Variants in MAST4 observed in about 807,000 individuals in gnomAD.
The protein encoded by MAST4 is microtubule associated serine/threonine kinase family member 4.
In MAST4, 89 loss-of-function variants were observed where a neutral mutation model predicts 162.7. The ratio of observed to expected loss-of-function variants is 0.55; its 90% CI spans 0.46 to 0.65. MAST4 has a LOEUF of 0.65. Among genes scored for constraint, MAST4 ranks in the 30% least tolerant of loss-of-function variants. MAST4 has a pLI of 0.00. For missense variants in MAST4, 3,153 were observed against 3,374.0 expected, an observed-to-expected ratio of 0.93 and a Z score of 1.62; for synonymous variants, 1,479 against 1,361.1, an observed-to-expected ratio of 1.09 and a Z score of -1.91.
intron 1 of MAST4, among the ~76,000 whole-genome samples, chr5:66,757,150 A>G (rs971768977): frequency 1.3e-5 from 2 of 152,152 alleles, no homozygotes; most frequent in Admixed American, 1.3e-4. Context: ...GTGATACAGC[A>G]GTCTTCCCCA....
chr5:66,817,967 A>G (rs2149726243), intron 3 of MAST4, among the ~76,000 whole-genome samples: 1 of 152,330 alleles, frequency 6.6e-6, no homozygotes, highest in East Asian at 1.9e-4. Context: ...GAAGGATCAA[A>G]CTTCTTAAAC....
chr5:66,609,392 C>CTTTTTTTTT (rs373893029), intron 1 of MAST4, among the ~76,000 whole-genome samples: 1 of 128,620 alleles, frequency 7.8e-6, no homozygotes, highest in African/African-American at 3.0e-5. Flanking sequence ...CAATGCACTA[C>CTTTTTTTTT]TTTTTTTTTT....
chr5:66,617,830 G>A (rs893445563), intron 1 of MAST4, among the ~76,000 whole-genome samples: 15 of 152,138 alleles, frequency 9.9e-5, no homozygotes, highest in African/African-American at 3.4e-4. Context: ...AAACATCAAC[G>A]CGTACTAATA....
intron 4 of MAST4, among the ~76,000 whole-genome samples, chr5:66,908,403 G>A (rs919519432): frequency 5.9e-5 from 9 of 152,152 alleles, no homozygotes; most frequent in African/African-American, 2.2e-4. Flanking sequence ...ACACCCTTGG[G>A]AATGCAAATC....
At chr5:67,121,168 C>G in intron 14 of MAST4, 66 bp downstream of exon 14, 1 of 1,281,924 alleles carries the variant, frequency 7.8e-7, no homozygotes, top group Non-Finnish European at 1.1e-6. Context: ...TTATTCTTAA[C>G]ATTTATCTAA....
At chr5:66,747,389 C>T (rs189076464) in intron 1 of MAST4, among the ~76,000 whole-genome samples, 2 of 152,166 alleles carry the variant, frequency 1.3e-5, no homozygotes, top group Non-Finnish European at 2.9e-5. Context: ...AATTATAAAA[C>T]CAAAGATGGA....
At chr5:66,672,434 C>T (rs1747668339) in intron 1 of MAST4, among the ~76,000 whole-genome samples, 1 of 152,198 alleles carries the variant, frequency 6.6e-6, no homozygotes, top group Non-Finnish European at 1.5e-5. Flanking sequence ...AGTTATTGCA[C>T]AACCAGTATT....
intron 4 of MAST4, chr5:66,963,586 T>C (rs2150168130): frequency 1.5e-6 from 1 of 682,912 alleles, no homozygotes; most frequent in Non-Finnish European, 2.7e-6. Context: ...GATTACCTAG[T>C]GGTGTAGATA....
chr5:67,163,707 C>G lies in MAST4; in HGVS notation c.4528C>G (p.Leu1510Val). ...CGCCCGGCCAGTGGAGCAAGGCTGC[C>G]TGAAACGCCCAGTCTCCCGGAAGGT... ...SRARPVEQGC[L>V]KRPVSRKVGR... Residue 1510 changes from leucine to valine, a missense_variant, in exon 29 of 29, where the codon CTG becomes GTG. Leu to Val is a conservative substitution (Grantham distance 32). Coordinates refer to ENST00000403625, the MANE Select transcript of MAST4 (RefSeq NM_001164664.2). The surrounding 1 kb of genome is among the most constrained non-coding windows in gnomAD (Gnocchi z 7.0). 6.2e-7 allele frequency: 1 copy of G among 1,609,090 alleles called. No individual in the cohort carries two copies. Among genetic ancestry groups the G allele is most frequent in the Non-Finnish European group, 8.5e-7 (1 of 1,178,200 alleles).
At chr5:66,649,058 G>T (rs918281811) in intron 1 of MAST4, among the ~76,000 whole-genome samples, 2 of 152,122 alleles carry the variant, frequency 1.3e-5, no homozygotes, top group Non-Finnish European at 2.9e-5. Context: ...GAATGTGGTG[G>T]TCTCCAAATG....
At chr5:67,106,728 C>G (rs1350586761) in intron 10 of MAST4, among the ~76,000 whole-genome samples, 1 of 152,138 alleles carries the variant, frequency 6.6e-6, no homozygotes. Context: ...GTTGCTGTGC[C>G]CTTCCTCTCA....
chr5:67,161,480 T>C (rs1773177377), intron 27 of MAST4, among the ~76,000 whole-genome samples: 1 of 152,220 alleles, frequency 6.6e-6, no homozygotes, highest in Admixed American at 6.5e-5. Flanking sequence ...GAAATATATT[T>C]GGTTGCAAGG....
At chr5:66,866,195 G>A (rs372204268) in intron 3 of MAST4, among the ~76,000 whole-genome samples, 4 of 119,142 alleles carry the variant, frequency 3.4e-5, no homozygotes, top group African/African-American at 5.3e-5. Flanking sequence ...GTTAGCTGCC[G>A]TCGTAGGGTC....
At chr5:67,019,999 A>C (rs915748248) in intron 4 of MAST4, among the ~76,000 whole-genome samples, 3 of 152,174 alleles carry the variant, frequency 2.0e-5, no homozygotes, top group Non-Finnish European at 4.4e-5. Context: ...ACCATGGTGA[A>C]AATAGAATCT....
intron 1 of MAST4, among the ~76,000 whole-genome samples, chr5:66,622,663 A>G (rs1744153482): frequency 6.6e-6 from 1 of 152,172 alleles, no homozygotes; most frequent in Non-Finnish European, 1.5e-5. Flanking sequence ...CAGGATGTGT[A>G]TTGAACATAA....
chr5:67,121,094 A>T lies in MAST4; in HGVS notation c.1737A>T (p.Gly579=). ...AAACGATTAAATTGATTAGCAATGG[A>T]GCCTATGGGTGAGTAATTCAAGAAA... ...DFETIKLISN[G]AYGAVYFVRH... Residue 579 remains glycine (G), a synonymous_variant, in exon 14 of 29, where the codon GGA becomes GGT. Transcript: ENST00000403625. 6.2e-7 allele frequency: 1 copy of T among 1,604,716 alleles called. No individual in the cohort carries two copies. The highest frequency in any genetic ancestry group is 2.2e-5 in the East Asian group (1 of 44,718).
chr5:67,126,626 A>G (rs1429824733), intron 14 of MAST4, among the ~76,000 whole-genome samples: 3 of 152,210 alleles, frequency 2.0e-5, no homozygotes, highest in Admixed American at 1.3e-4. Flanking sequence ...TACCAGTACC[A>G]TGCTGTTTTT....
At chr5:67,057,285 C>T (rs1758952101) in intron 5 of MAST4, among the ~76,000 whole-genome samples, 1 of 152,102 alleles carries the variant, frequency 6.6e-6, no homozygotes, top group Non-Finnish European at 1.5e-5. Flanking sequence ...GTTTTCTAGG[C>T]ATCTCCATCA....
chr5:66,950,213 A>G (rs1189139274), intron 4 of MAST4, among the ~76,000 whole-genome samples: 2 of 150,550 alleles, frequency 1.3e-5, no homozygotes, highest in Non-Finnish European at 2.9e-5. Context: ...GGGTAAGTAA[A>G]CTAGTATACT....
Sources: gnomAD v4.1 joint callset for allele counts (sites outside exome capture counted in the v4.1 genomes callset) on GRCh38, gnomAD v4.1.1 for gene constraint, Gnocchi (gnomAD v3.1) non-coding constraint, MANE v1.5 for transcripts, NCBI Gene and HGNC (gene_info 2026-07-23, HGNC 2026-07-21) for gene names.